The following LIN9 variants were observed in gnomAD, a reference collection of about 807,000 sequenced individuals.
LIN9 encodes the protein protein lin-9 homolog.
LIN9 carries 18 observed loss-of-function variants against 78.0 expected under a neutral mutation model. That is an observed-to-expected ratio of 0.23 (90% CI 0.16 to 0.34). LIN9 has a LOEUF of 0.34. Ranked by LOEUF, LIN9 falls within the 10% of genes least tolerant of loss-of-function variation. The pLI is 1.00. For synonymous variants in LIN9, 192 were observed against 215.2 expected, an observed-to-expected ratio of 0.89 and a Z score of 0.94; for missense variants, 451 against 644.1, an observed-to-expected ratio of 0.70 and a Z score of 3.25.
intron 2 of LIN9, among the ~76,000 whole-genome samples, chr1:226,300,414 G>A (rs1477520097): frequency 1.3e-5 from 2 of 151,952 alleles, no homozygotes; most frequent in Non-Finnish European, 2.9e-5. Context: ...AGCTGGGCAT[G>A]GTAGCATGTG....
At chr1:226,292,602 C>T (rs1366672437) in intron 4 of LIN9, among the ~76,000 whole-genome samples, 2 of 152,104 alleles carry the variant, frequency 1.3e-5, no homozygotes, top group South Asian at 2.1e-4. Flanking sequence ...CACAGGTGCC[C>T]ACCACCATGC....
chr1:226,268,739 A>C (rs1440212928), intron 7 of LIN9, among the ~76,000 whole-genome samples: 3 of 152,180 alleles, frequency 2.0e-5, no homozygotes, highest in African/African-American at 7.2e-5. Context: ...GTCTCTAATG[A>C]GCTTCCCTGG....
upstream of LIN9, chr1:226,309,595 G>A: frequency 1.6e-6 from 2 of 1,232,652 alleles, no homozygotes; most frequent in Non-Finnish European, 2.1e-6. Context: ...CGCATTGCCC[G>A]AGGGGGCTCT....
intron 4 of LIN9, among the ~76,000 whole-genome samples, chr1:226,289,837 G>GGGGGGGT (rs1553283385): frequency 2.5e-5 from 1 of 40,222 alleles, no homozygotes; most frequent in African/African-American, 6.3e-5. Flanking sequence ...AGTCCTCCGG[G>GGGGGGGT]GGGGGGGGTG....
intron 1 of LIN9, among the ~76,000 whole-genome samples, chr1:226,306,230 C>G (rs1662907781): frequency 6.6e-6 from 1 of 151,786 alleles, no homozygotes; most frequent in Admixed American, 6.6e-5. Flanking sequence ...GAGGCCGAGG[C>G]AGGAGAATGG....
At chr1:226,276,439 G>A (rs1264254897) in intron 7 of LIN9, among the ~76,000 whole-genome samples, 1 of 152,048 alleles carries the variant, frequency 6.6e-6, no homozygotes, top group Non-Finnish European at 1.5e-5. Context: ...TCTATAATCT[G>A]TTGATTACAC....
chr1:226,295,415 C>T (rs1278057215), intron 4 of LIN9, among the ~76,000 whole-genome samples: 1 of 151,980 alleles, frequency 6.6e-6, no homozygotes, highest in Non-Finnish European at 1.5e-5. Flanking sequence ...CGCCACTGTA[C>T]TCCAGCCTGG....
At chr1:226,300,206 G>A (rs549558900) in intron 2 of LIN9, among the ~76,000 whole-genome samples, 2 of 152,164 alleles carry the variant, frequency 1.3e-5, no homozygotes, top group Non-Finnish European at 2.9e-5. Flanking sequence ...CCAAAGTGCC[G>A]GGATTACAGG....
In LIN9 at chr1:226,257,517, G is replaced by A. The variant is rs981483856; in HGVS notation, c.1039-6598C>T. On this transcript the variant is annotated intron_variant, in intron 10 of 14. Transcript: ENST00000681046. ...ATGAGAGCAATGATACAAAGGAAAG[G>A]AGGGATGAATTAGGATTATTTTGTT... is the stretch of plus-strand genomic sequence containing the variant. 2.6e-5 allele frequency among the ~76,000 whole-genome samples: 4 copies of A among 152,156 alleles called. No homozygotes were observed. The South Asian group carries it at 6.2e-4, about 24-fold the overall frequency.
At chr1:226,275,890 T>C (rs1220262294) in intron 7 of LIN9, among the ~76,000 whole-genome samples, 1 of 151,774 alleles carries the variant, frequency 6.6e-6, no homozygotes. Context: ...TAGCCAGGCG[T>C]GGTGGCGGGT....
Position 226,297,867 on chromosome 1 carries a change from T to C in LIN9, c.65-54A>G. On this transcript the variant is annotated intron_variant, in intron 2 of 14. Coordinates refer to ENST00000681046, the MANE Select transcript of LIN9 (RefSeq NM_001366245.2). ...TTTTGGCTTAGTTCAAAGGATTTCA[T>C]ACCATGAATACTGTTTTTTTCATAA... The C allele has an allele frequency of 5.7e-6, 5 of 874,326 alleles. 1 individual carries two copies. The South Asian group carries it at 1.2e-4, about 21-fold the overall frequency. 54.2% of individuals were successfully genotyped at this position (874,326 alleles called of 1,614,324 possible). A position where few individuals can be genotyped will look rare whatever the true frequency, so the allele number is the denominator to read the frequency against.
chr1:226,242,276 CAT>C (rs888487614), intron 11 of LIN9, among the ~76,000 whole-genome samples: 7 of 152,078 alleles, frequency 4.6e-5, no homozygotes, highest in East Asian at 1.9e-4. Flanking sequence ...ATGCCTGGCA[CAT>C]ATGTTTGTGT....
chr1:226,287,939 T>G lies in LIN9; in HGVS notation c.265-142A>C, dbSNP rs541746764. 34 of 610,496 alleles carry G rather than the reference T, an allele frequency of 5.6e-5. 1 individual carries two copies. In the Admixed American group the frequency reaches 8.8e-4, roughly 16 times the overall value. The allele number at this position is 610,496 out of a possible 1,614,324, so 37.8% of individuals were successfully genotyped here. A position where few individuals can be genotyped will look rare whatever the true frequency, so the allele number is the denominator to read the frequency against. On this transcript the variant is annotated intron_variant, in intron 4 of 14. Transcript: ENST00000681046. ...GATTCACTGATATTCAACATGGAATTTTGTTGCTGTTTTAAACACTCCGAT... is the reference window on the plus strand; with the variant it reads ...GATTCACTGATATTCAACATGGAATGTTGTTGCTGTTTTAAACACTCCGAT...
rs746339948 is a variant in LIN9 at position 226,250,067 on chromosome 1, G to T, written c.1119+772C>A. On this transcript the variant is annotated intron_variant, in intron 11 of 14. Transcript: ENST00000681046. ...CGCCTGTAATCCTAGCTACTTGAGA[G>T]GCTGAGGCAGGCGAATCACTTGAAC... 7.2e-5 allele frequency among the ~76,000 whole-genome samples: 11 copies of T among 152,018 alleles called. 1 individual carries two copies. Among genetic ancestry groups the T allele is most frequent in the Non-Finnish European group, 1.5e-4 (10 of 67,996 alleles).
At chr1:226,277,642 G>A (rs1247807904) in intron 7 of LIN9, 133 bp downstream of exon 7, 2 of 771,688 alleles carry the variant, frequency 2.6e-6, no homozygotes, top group African/African-American at 3.5e-5. Context: ...GGGATAGGGT[G>A]AGGGTTAACG....
chr1:226,296,980 G>A (rs1054047680), intron 3 of LIN9, among the ~76,000 whole-genome samples: 3 of 152,164 alleles, frequency 2.0e-5, no homozygotes, highest in Non-Finnish European at 2.9e-5. Flanking sequence ...GCGACAGAGC[G>A]AGACCTCGTC....
chr1:226,307,237 A>G (rs535556842), intron 1 of LIN9, among the ~76,000 whole-genome samples: 3 of 152,362 alleles, frequency 2.0e-5, no homozygotes, highest in Admixed American at 6.5e-5. Flanking sequence ...CCAAGAGGTG[A>G]TAAGACATGT....
chr1:226,305,441 C>G (rs1363109273), intron 1 of LIN9, among the ~76,000 whole-genome samples: 1 of 150,202 alleles, frequency 6.7e-6, no homozygotes, highest in Non-Finnish European at 1.5e-5. Context: ...TGCAGTGAGC[C>G]ACGATCATGC....
At chr1:226,249,812 G>A (rs1189430807) in intron 11 of LIN9, among the ~76,000 whole-genome samples, 1 of 152,172 alleles carries the variant, frequency 6.6e-6, no homozygotes, top group Non-Finnish European at 1.5e-5. Context: ...CCTTAAGCAA[G>A]ATGTGAATTT....
Sources: gnomAD v4.1 joint callset for allele counts (sites outside exome capture counted in the v4.1 genomes callset) on GRCh38, gnomAD v4.1.1 for gene constraint, MANE v1.5 for transcripts, NCBI Gene and HGNC (gene_info 2026-07-23, HGNC 2026-07-21) for gene names.